CEP63: variants seen among roughly 807,000 people sequenced by gnomAD.
CEP63 encodes the protein centrosomal protein 63.
A neutral mutation model predicts 89.1 loss-of-function variants in CEP63; 84 were observed. That is an observed-to-expected ratio of 0.94 (90% CI 0.79 to 1.13). The LOEUF (loss-of-function observed/expected upper bound fraction) is 1.13, where lower values mean the gene tolerates loss of function less well. Ranked by LOEUF, CEP63 falls within the 50% of genes most tolerant of loss-of-function variation. CEP63 has a pLI of 0.00. For synonymous variants in CEP63, 267 were observed against 272.5 expected (o/e 0.98, Z 0.20); for missense variants, 838 against 813.3 (o/e 1.03, Z -0.37).
chr3:134,759,337 T>C, the CEP63 span, among the ~76,000 whole-genome samples: 1 of 152,216 alleles, frequency 6.6e-6, no homozygotes, highest in East Asian at 1.9e-4. Flanking sequence ...TGCTAGCTCA[T>C]TGGCATTTCT....
rs541332423 is a variant in CEP63, at chr3:134,546,008, G to A, written c.790-141G>A. ...ATTTACAATATTGTAATATTGTTACGTAACTTATAGTCTGACTTCCTGGCT... is the reference window on the plus strand; with the variant it reads ...ATTTACAATATTGTAATATTGTTACATAACTTATAGTCTGACTTCCTGGCT... On this transcript the variant is annotated intron_variant, in intron 7 of 14. Coordinates refer to ENST00000675561, the MANE Select transcript of CEP63 (RefSeq NM_001353108.3). The A allele has an allele frequency of 3.8e-4, 352 of 926,606 alleles. 2 individuals are homozygous for A. The highest frequency in any genetic ancestry group is 5.2e-4 in the Non-Finnish European group (313 of 605,886). 57.4% of individuals were successfully genotyped at this position (926,606 alleles called of 1,614,324 possible).
chr3:134,606,994 A>G, the CEP63 span: 26 of 983,396 alleles, frequency 2.6e-5, no homozygotes, highest in East Asian at 5.7e-4. Flanking sequence ...TACTCTGTAC[A>G]TAAGTATCAG....
chr3:134,687,387 C>T, the CEP63 span, among the ~76,000 whole-genome samples: 10 of 152,320 alleles, frequency 6.6e-5, no homozygotes, highest in Non-Finnish European at 8.8e-5. Context: ...AAACACAGAG[C>T]GGTGAGCTTC....
chr3:134,611,891 G>C, the CEP63 span, among the ~76,000 whole-genome samples: 3 of 152,220 alleles, frequency 2.0e-5, no homozygotes, highest in African/African-American at 7.2e-5. Flanking sequence ...TTGTAAAAAT[G>C]AACATGTAAT....
At chr3:134,659,389 G>A in the CEP63 span, among the ~76,000 whole-genome samples, 1 of 152,174 alleles carries the variant, frequency 6.6e-6, no homozygotes, top group African/African-American at 2.4e-5. Context: ...GCAGAATTCT[G>A]CATTTCCATT....
intron 11 of CEP63, among the ~76,000 whole-genome samples, chr3:134,573,053 GTCT>G (rs1958079322): frequency 6.6e-6 from 1 of 152,120 alleles, no homozygotes; most frequent in Non-Finnish European, 1.5e-5. Flanking sequence ...CTGCTTGTAT[GTCT>G]TCTTTTGAGA....
At chr3:134,700,187 C>A in the CEP63 span, among the ~76,000 whole-genome samples, 1 of 152,188 alleles carries the variant, frequency 6.6e-6, no homozygotes, top group Non-Finnish European at 1.5e-5. Context: ...AATATTCAGT[C>A]CTTCAGGAAG....
chr3:134,727,499 A>C, the CEP63 span, among the ~76,000 whole-genome samples: 1 of 152,192 alleles, frequency 6.6e-6, no homozygotes, highest in Admixed American at 6.5e-5. Flanking sequence ...AAATTTTACC[A>C]ATAACCACGG....
At chr3:134,516,032 G>A (rs956668905) in intron 3 of CEP63, among the ~76,000 whole-genome samples, 3 of 152,098 alleles carry the variant, frequency 2.0e-5, no homozygotes, top group Non-Finnish European at 4.4e-5. Flanking sequence ...TGTAGAGAAA[G>A]AAAAAAGGGG....
At chr3:134,643,154 A>G in the CEP63 span, among the ~76,000 whole-genome samples, 3 of 151,794 alleles carry the variant, frequency 2.0e-5, no homozygotes, top group South Asian at 2.1e-4. Context: ...GCTGCTTCCC[A>G]TGAGACGCAG....
the CEP63 span, among the ~76,000 whole-genome samples, chr3:134,703,904 C>G: frequency 4.6e-5 from 7 of 152,212 alleles, no homozygotes; most frequent in Non-Finnish European, 8.8e-5. Context: ...TACTTGAATG[C>G]TGAAGTCTCT....
chr3:134,721,834 T>C, the CEP63 span, among the ~76,000 whole-genome samples: 1 of 152,192 alleles, frequency 6.6e-6, no homozygotes, highest in South Asian at 2.1e-4. Context: ...TTGTGCATAG[T>C]ATATCATTCT....
intron 3 of CEP63, 92 bp from the exon 4 acceptor site, chr3:134,531,753 A>C: frequency 4.1e-6 from 4 of 984,772 alleles, no homozygotes; most frequent in Middle Eastern, 2.9e-4. Context: ...TTGAATTTAC[A>C]AATAAATACA....
At chr3:134,488,045 C>T (rs370830022) in intron 1 of CEP63, 48 of 152,354 alleles carry the variant, frequency 3.2e-4, no homozygotes, top group African/African-American at 1.1e-3. Context: ...GGCCGCAGAG[C>T]AGTACCAGTC....
At chr3:134,599,369 G>A in the CEP63 span, among the ~76,000 whole-genome samples, 1 of 152,136 alleles carries the variant, frequency 6.6e-6, no homozygotes, top group Non-Finnish European at 1.5e-5. Flanking sequence ...GCCAGATTTG[G>A]GAACACAAGT....
chr3:134,543,961 TAAA>T (rs10718830), intron 6 of CEP63, among the ~76,000 whole-genome samples: 5 of 147,788 alleles, frequency 3.4e-5, no homozygotes, highest in Admixed American at 6.7e-5. Context: ...GGGATCTGGT[TAAA>T]AAAAAAAAAA....
At chr3:134,769,107 AGT>A in the CEP63 span, among the ~76,000 whole-genome samples, 7 of 150,494 alleles carry the variant, frequency 4.7e-5, no homozygotes, top group East Asian at 3.9e-4. Context: ...TGGTGAAAGA[AGT>A]GTGATTTTTT....
At chr3:134,777,605 A>G in the CEP63 span, among the ~76,000 whole-genome samples, 2 of 129,912 alleles carry the variant, frequency 1.5e-5, no homozygotes, top group Admixed American at 1.9e-4. Flanking sequence ...TTGAAAGAAT[A>G]GAATTTTTTT....
the CEP63 span, among the ~76,000 whole-genome samples, chr3:134,658,317 T>C: frequency 6.6e-6 from 1 of 152,172 alleles, no homozygotes; most frequent in Non-Finnish European, 1.5e-5. Flanking sequence ...AAAATTCATA[T>C]CCTTAGTTCC....
Sources: allele counts gnomAD v4.1 joint callset (sites outside exome capture counted in the v4.1 genomes callset), GRCh38; gene constraint gnomAD v4.1.1; transcripts MANE v1.5; gene names NCBI Gene and HGNC (gene_info 2026-07-23, HGNC 2026-07-21).